Variants in ARB2A observed in about 807,000 individuals in gnomAD.
The protein encoded by ARB2A is ARB2 cotranscriptional regulator A, also known as cotranscriptional regulator ARB2A.
chr5:94,001,643 G>GA, the ARB2A span, among the ~76,000 whole-genome samples: 3 of 152,052 alleles, frequency 2.0e-5, no homozygotes, highest in East Asian at 5.8e-4. Context: ...CAGTGCTTTT[G>GA]ATTTCTAACT....
chr5:93,692,702 T>C, the ARB2A span, among the ~76,000 whole-genome samples: 6 of 152,178 alleles, frequency 3.9e-5, no homozygotes, highest in African/African-American at 1.4e-4. Flanking sequence ...GCAGACCTAA[T>C]AGACATCTAC....
the ARB2A span, among the ~76,000 whole-genome samples, chr5:93,815,679 C>T: frequency 1.1e-4 from 17 of 152,240 alleles, no homozygotes; most frequent in African/African-American, 2.9e-4. Context: ...TGAATCCTCC[C>T]CCTGGTACTG....
the ARB2A span, among the ~76,000 whole-genome samples, chr5:93,957,817 C>T: frequency 6.6e-6 from 1 of 151,932 alleles, no homozygotes; most frequent in African/African-American, 2.4e-5. Context: ...TTAAAGAAAT[C>T]CCTTCTAATT....
At chr5:93,749,689 G>A in the ARB2A span, among the ~76,000 whole-genome samples, 1 of 152,094 alleles carries the variant, frequency 6.6e-6, no homozygotes, top group Admixed American at 6.5e-5. Flanking sequence ...TAAATCCCAA[G>A]ATCTTCCTGG....
the ARB2A span, among the ~76,000 whole-genome samples, chr5:93,828,552 C>T: frequency 6.6e-6 from 1 of 152,166 alleles, no homozygotes. Flanking sequence ...GCTCAAGCCA[C>T]CATCATTTCA....
At chr5:93,848,506 T>A in the ARB2A span, among the ~76,000 whole-genome samples, 1 of 152,306 alleles carries the variant, frequency 6.6e-6, no homozygotes, top group South Asian at 2.1e-4. Context: ...ATTTTCTTCT[T>A]CTCTTTGGAA....
the ARB2A span, among the ~76,000 whole-genome samples, chr5:93,670,222 C>G: frequency 6.6e-6 from 1 of 152,154 alleles, no homozygotes; most frequent in East Asian, 1.9e-4. Context: ...AGCTGCTTAC[C>G]CACTTGTTCC....
At chr5:93,867,359 G>T in the ARB2A span, among the ~76,000 whole-genome samples, 2 of 151,960 alleles carry the variant, frequency 1.3e-5, no homozygotes, top group Non-Finnish European at 2.9e-5. Flanking sequence ...GGGAGAGAGG[G>T]GATTTTCTGA....
chr5:94,075,407 G>C, the ARB2A span, among the ~76,000 whole-genome samples: 1 of 151,840 alleles, frequency 6.6e-6, no homozygotes, highest in Non-Finnish European at 1.5e-5. Context: ...TATTAAAATC[G>C]AATTCTGCTC....
the ARB2A span, among the ~76,000 whole-genome samples, chr5:93,722,035 T>C: frequency 6.6e-6 from 1 of 152,110 alleles, no homozygotes; most frequent in Non-Finnish European, 1.5e-5. Flanking sequence ...TCCCAAACAA[T>C]AACATCCACT....
the ARB2A span, among the ~76,000 whole-genome samples, chr5:93,732,973 TA>T: frequency 1.3e-5 from 2 of 152,150 alleles, no homozygotes; most frequent in Non-Finnish European, 2.9e-5. Context: ...GTATAAAGTT[TA>T]ATAAGTTGTT....
At chr5:93,815,185 G>A in the ARB2A span, among the ~76,000 whole-genome samples, 4 of 152,070 alleles carry the variant, frequency 2.6e-5, no homozygotes, top group Admixed American at 2.6e-4. Flanking sequence ...TTGTGGTTCT[G>A]GTGGCTTTAT....
At chr5:93,781,467 T>A in the ARB2A span, among the ~76,000 whole-genome samples, 2 of 152,230 alleles carry the variant, frequency 1.3e-5, no homozygotes, top group African/African-American at 4.8e-5. Context: ...TCCAAGACTT[T>A]GCTATCATGA....
chr5:93,778,451 G>A, the ARB2A span, among the ~76,000 whole-genome samples: 1,492 of 152,166 alleles, frequency 9.8e-3, 23 homozygotes, highest in African/African-American at 0.034. Flanking sequence ...ATTCATCACA[G>A]CCCCTAATAA....
chr5:94,063,906 A>G, the ARB2A span, among the ~76,000 whole-genome samples: 1 of 152,210 alleles, frequency 6.6e-6, no homozygotes, highest in Non-Finnish European at 1.5e-5. Flanking sequence ...TTCTCACACC[A>G]GATACCCAGA....
chr5:93,769,019 G>A, the ARB2A span, among the ~76,000 whole-genome samples: 1 of 152,058 alleles, frequency 6.6e-6, no homozygotes, highest in Non-Finnish European at 1.5e-5. Context: ...GATATTTTAA[G>A]TTAAAATTTT....
At chr5:93,644,268 T>G in the ARB2A span, among the ~76,000 whole-genome samples, 1 of 152,212 alleles carries the variant, frequency 6.6e-6, no homozygotes, top group African/African-American at 2.4e-5. Flanking sequence ...CTTACTTCTT[T>G]CTGAAAGTAA....
chr5:93,653,714 T>C, the ARB2A span, among the ~76,000 whole-genome samples: 11 of 152,268 alleles, frequency 7.2e-5, no homozygotes, highest in East Asian at 1.5e-3. Context: ...CAGAAAAATA[T>C]AGTTATTTGT....
At chr5:93,958,344 A>G in the ARB2A span, among the ~76,000 whole-genome samples, 1 of 152,108 alleles carries the variant, frequency 6.6e-6, no homozygotes, top group Non-Finnish European at 1.5e-5. Flanking sequence ...AATTCAAAGT[A>G]GCAGATCTCC....
Sources: allele counts gnomAD v4.1 joint callset (sites outside exome capture counted in the v4.1 genomes callset), GRCh38; gene constraint gnomAD v4.1.1; transcripts MANE v1.5; gene names NCBI Gene and HGNC (gene_info 2026-07-23, HGNC 2026-07-21).